Variants in PIK3CB observed in about 807,000 individuals in gnomAD.
PIK3CB encodes the protein phosphatidylinositol 4,5-bisphosphate 3-kinase catalytic subunit beta isoform.
PIK3CB carries 39 observed loss-of-function variants against 136.8 expected under a neutral mutation model. The ratio of observed to expected loss-of-function variants is 0.29; its 90% CI spans 0.22 to 0.37. PIK3CB has a LOEUF of 0.37. Ranked by LOEUF, PIK3CB falls within the 10% of genes least tolerant of loss-of-function variation. The pLI is 1.00. For missense variants in PIK3CB, 868 were observed against 1,275.4 expected (o/e 0.68, Z 4.87); for synonymous variants, 428 against 436.6 (o/e 0.98, Z 0.25).
intron 1 of PIK3CB, among the ~76,000 whole-genome samples, chr3:138,833,392 T>C (rs913463489): frequency 6.6e-6 from 1 of 152,162 alleles, no homozygotes; most frequent in South Asian, 2.1e-4. Flanking sequence ...CTTTCTTCCA[T>C]ACCTGCATTC....
At position 138,742,611 on chromosome 3, in the gene PIK3CB, C is replaced by G. The variant is rs760268621; in HGVS notation, c.568G>C (p.Asp190His). Residue 190 changes from aspartate (D) to histidine (H), a missense_variant, in exon 5 of 24, where the codon GAT becomes CAT. Asp to His is a moderately conservative substitution (Grantham distance 81, BLOSUM62 -1). Coordinates refer to ENST00000674063, the MANE Select transcript of PIK3CB (RefSeq NM_006219.3). Reference sequence around the variant, plus strand: ...ATGAGCTTTCCCCCATAAAGTTTATCTTCTAAGTTTTCAGGGATGGATGGT... The same window carrying G: ...ATGAGCTTTCCCCCATAAAGTTTATGTTCTAAGTTTTCAGGGATGGATGGT... The part of the protein sequence containing the change: ...HEPSIPENLE[D>H]KLYGGKLIVA... The G allele has an allele frequency of 1.2e-5, 19 of 1,608,434 alleles. No individual in the cohort carries two copies. The highest frequency in any genetic ancestry group is 1.2e-5 in the Non-Finnish European group (14 of 1,175,620).
chr3:138,787,977 T>C (rs150928690), intron 2 of PIK3CB, among the ~76,000 whole-genome samples: 1,564 of 150,630 alleles, frequency 0.01, 37 homozygotes, highest in African/African-American at 0.036. Flanking sequence ...GGCTGGAGTA[T>C]AGTGGTATGA....
intron 21 of PIK3CB, among the ~76,000 whole-genome samples, chr3:138,663,132 A>G (rs921599735): frequency 6.6e-6 from 1 of 152,042 alleles, no homozygotes; most frequent in Non-Finnish European, 1.5e-5. Flanking sequence ...AACCTACAAA[A>G]TGGGAGAAAA....
intron 11 of PIK3CB, among the ~76,000 whole-genome samples, chr3:138,705,174 C>CAAAAAAAAAAAAAA (rs1159172292): frequency 1.8e-5 from 1 of 57,060 alleles, no homozygotes; most frequent in Non-Finnish European, 3.0e-5. Context: ...AAAAAAAAAA[C>CAAAAAAAAAAAAAA]AAAAAACAAA....
chr3:138,665,895 G>A (rs1442931899), intron 19 of PIK3CB, among the ~76,000 whole-genome samples: 3 of 152,040 alleles, frequency 2.0e-5, no homozygotes, highest in African/African-American at 4.8e-5. Flanking sequence ...ACATCAATGG[G>A]TTTTCATGCT....
chr3:138,792,720 A>G (rs1166946166), intron 2 of PIK3CB, among the ~76,000 whole-genome samples: 1 of 152,206 alleles, frequency 6.6e-6, no homozygotes, highest in Non-Finnish European at 1.5e-5. Context: ...AAGAGAGGAT[A>G]TATCAAGGAA....
Position 138,834,806 on chromosome 3 carries a change from C to T in PIK3CB, c.-233G>A, listed in dbSNP as rs1236586278. On this transcript the variant is annotated 5_prime_UTR_variant, in exon 1 of 24. The change creates a new upstream start codon in the 5' untranslated region. Coordinates refer to ENST00000674063, the MANE Select transcript of PIK3CB (RefSeq NM_006219.3). ...CCCCCATCCCTGCCTCTCTCGATCACCTCCCGCCTGCCCCGCGCAGCACTA... is the reference window on the plus strand; with the variant it reads ...CCCCCATCCCTGCCTCTCTCGATCATCTCCCGCCTGCCCCGCGCAGCACTA... 1 of 153,326 alleles carries T rather than the reference C, an allele frequency of 6.5e-6. No individual in the cohort carries two copies. Among genetic ancestry groups the T allele is most frequent in the Admixed American group, 6.6e-5 (1 of 15,208 alleles). 9.5% of individuals were successfully genotyped at this position (153,326 alleles called of 1,614,324 possible).
At chr3:138,715,458 T>C (rs2044588022) in intron 8 of PIK3CB, among the ~76,000 whole-genome samples, 2 of 152,332 alleles carry the variant, frequency 1.3e-5, no homozygotes, top group South Asian at 2.1e-4. Flanking sequence ...AAAGTTTTTA[T>C]ACCAGTTTAT....
chr3:138,655,707 T>G (rs1280985305), intron 23 of PIK3CB, among the ~76,000 whole-genome samples, 181 bp from the exon 24 acceptor site: 1 of 152,146 alleles, frequency 6.6e-6, no homozygotes, highest in Non-Finnish European at 1.5e-5. Flanking sequence ...ATAATATGAC[T>G]TCTTCCAAAA....
intron 1 of PIK3CB, among the ~76,000 whole-genome samples, chr3:138,832,216 A>C (rs1463999504): frequency 6.6e-6 from 1 of 152,232 alleles, no homozygotes; most frequent in Non-Finnish European, 1.5e-5. Flanking sequence ...GTCTTTAAGA[A>C]CACCAAGAAA....
intron 2 of PIK3CB, among the ~76,000 whole-genome samples, chr3:138,783,240 T>C (rs115186364): frequency 0.016 from 2,367 of 152,238 alleles, 27 homozygotes; most frequent in Non-Finnish European, 0.023. Context: ...AATGTAGAGG[T>C]TAAAACATGT....
intron 4 of PIK3CB, among the ~76,000 whole-genome samples, chr3:138,754,336 G>A (rs991370098): frequency 2.6e-5 from 4 of 151,958 alleles, no homozygotes; most frequent in South Asian, 2.1e-4. Flanking sequence ...TACTTAGGAC[G>A]CTGAGGTGGG....
chr3:138,669,426 A>AGGG (rs371173322), intron 19 of PIK3CB, among the ~76,000 whole-genome samples: 7 of 64,042 alleles, frequency 1.1e-4, no homozygotes, highest in African/African-American at 3.6e-4. Flanking sequence ...AAAAAAAAAA[A>AGGG]GGGGGGGGGG....
chr3:138,726,325 G>A (rs1296568108), intron 8 of PIK3CB, among the ~76,000 whole-genome samples: 3 of 152,182 alleles, frequency 2.0e-5, no homozygotes, highest in African/African-American at 7.2e-5. Context: ...CCCTTTACTT[G>A]TTATCCAACC....
chr3:138,776,636 C>T (rs927002059), intron 2 of PIK3CB, among the ~76,000 whole-genome samples: 4 of 152,058 alleles, frequency 2.6e-5, no homozygotes, highest in Non-Finnish European at 5.9e-5. Context: ...GCAGACATTG[C>T]CGTGAGCTGT....
At chr3:138,697,075 A>G (rs2044152407) in intron 13 of PIK3CB, among the ~76,000 whole-genome samples, 1 of 152,192 alleles carries the variant, frequency 6.6e-6, no homozygotes, top group African/African-American at 2.4e-5. Context: ...AAACTCACCA[A>G]ACCTCTCTAT....
At chr3:138,826,035 C>A in intron 1 of PIK3CB, 1 of 1,312,330 alleles carries the variant, frequency 7.6e-7, no homozygotes. Context: ...GATTGTCACA[C>A]AGCTTACACA....
At chr3:138,802,744 T>C (rs1485094534) in intron 1 of PIK3CB, among the ~76,000 whole-genome samples, 1 of 152,156 alleles carries the variant, frequency 6.6e-6, no homozygotes, top group Non-Finnish European at 1.5e-5. Context: ...ATCAGAATTA[T>C]CTGTTCATTT....
chr3:138,727,025 G>C (rs1408750166), intron 8 of PIK3CB, among the ~76,000 whole-genome samples: 1 of 152,024 alleles, frequency 6.6e-6, no homozygotes. Context: ...ACTCCAACCT[G>C]GGTGACGGAG....
Sources: gnomAD v4.1 joint callset for allele counts (sites outside exome capture counted in the v4.1 genomes callset) on GRCh38, gnomAD v4.1.1 for gene constraint, MANE v1.5 for transcripts, NCBI Gene and HGNC (gene_info 2026-07-23, HGNC 2026-07-21) for gene names.